The following CDH4 variants were observed in gnomAD, a reference collection of about 807,000 sequenced individuals.
The protein encoded by CDH4 is cadherin 4.
CDH4 carries 33 observed loss-of-function variants against 86.0 expected under a neutral mutation model. The ratio of observed to expected loss-of-function variants is 0.38; its 90% CI spans 0.29 to 0.51. The LOEUF is 0.51. CDH4 is among the 20% of genes least tolerant of loss of function. CDH4 has a pLI of 0.86. For missense variants in CDH4, 1,114 were observed against 1,307.4 expected, an observed-to-expected ratio of 0.85 and a Z score of 2.28; for synonymous variants, 555 against 549.4, an observed-to-expected ratio of 1.01 and a Z score of -0.14.
Position 61,544,885 on chromosome 20 carries a change from G to T in CDH4, c.170-198678G>T, listed in dbSNP as rs529528601. Among the ~76,000 whole-genome samples, 1 of 152,266 alleles carries T rather than the reference G, an allele frequency of 6.6e-6. No homozygotes were observed. Among genetic ancestry groups the T allele is most frequent in the South Asian group, 2.1e-4 (1 of 4,822 alleles). ...AGGGGGGATGCACTAGGGGGTCTTG[G>T]AACTTGGTACATACAGGTGCTAGGT... On this transcript the variant is annotated intron_variant, in intron 2 of 15. Transcript: ENST00000614565. The surrounding 1 kb of genome is among the most constrained non-coding windows in gnomAD (Gnocchi z 6.5).
chr20:61,304,008 C>T (rs1380103822), intron 2 of CDH4, among the ~76,000 whole-genome samples: 1 of 152,168 alleles, frequency 6.6e-6, no homozygotes, highest in Non-Finnish European at 1.5e-5. Context: ...TAGGGATAGG[C>T]TCCTGCCAGT....
At chr20:61,567,934 C>G (rs1423063468) in intron 2 of CDH4, among the ~76,000 whole-genome samples, 1 of 152,118 alleles carries the variant, frequency 6.6e-6, no homozygotes, top group Non-Finnish European at 1.5e-5. Context: ...GATTGCACCA[C>G]TGTACTCCAG....
intron 2 of CDH4, among the ~76,000 whole-genome samples, chr20:61,727,844 A>G (rs1005421124): frequency 6.6e-6 from 1 of 152,030 alleles, no homozygotes; most frequent in Non-Finnish European, 1.5e-5. Flanking sequence ...GACCACCCCC[A>G]GCCACAAGGC....
intron 2 of CDH4, among the ~76,000 whole-genome samples, chr20:61,523,768 C>T (rs1218351996): frequency 1.3e-5 from 2 of 152,212 alleles, no homozygotes; most frequent in Non-Finnish European, 2.9e-5. Context: ...CCTTTGCATT[C>T]GTTATTCAGT....
intron 2 of CDH4, among the ~76,000 whole-genome samples, chr20:61,658,559 A>G (rs1334496796): frequency 4.6e-5 from 7 of 152,170 alleles, no homozygotes; most frequent in African/African-American, 1.7e-4. Context: ...AGTACCTGCA[A>G]GGAGCAAAGG....
At chr20:61,874,016 C>G in intron 7 of CDH4, 116 bp downstream of exon 7, 2 of 1,060,126 alleles carry the variant, frequency 1.9e-6, no homozygotes, top group African/African-American at 1.6e-5. Context: ...CGACAGTCTC[C>G]CCAGTGGCAC....
At chr20:61,743,505 T>C (rs2297193) in intron 2 of CDH4, 58 bp from the exon 3 acceptor site, 75,840 of 1,379,192 alleles carry the variant, frequency 0.055, 3,671 homozygotes, top group East Asian at 0.22. Context: ...GTTGCTGCCA[T>C]TGTTACCGCC....
At position 61,362,585 on chromosome 20, in the gene CDH4, G is replaced by T. The variant is rs143870710; in HGVS notation, c.169+107648G>T. Among the ~76,000 whole-genome samples, 109 of 152,042 alleles carry T rather than the reference G, an allele frequency of 7.2e-4. No individual in the cohort carries two copies. The East Asian group carries it at 0.015, about 20-fold the overall frequency. Reference sequence around the variant, plus strand: ...GGACAGCGTAGTGGAGAGCAGAGACGTGGCCTAGGACAGTGTAGTGGAAGT... The same window carrying T: ...GGACAGCGTAGTGGAGAGCAGAGACTTGGCCTAGGACAGTGTAGTGGAAGT... On this transcript the variant is annotated intron_variant, in intron 2 of 15. Coordinates refer to ENST00000614565, the MANE Select transcript of CDH4 (RefSeq NM_001794.5).
chr20:61,880,197 G>A lies in CDH4; in HGVS notation c.1050+6297G>A, dbSNP rs138888884. On this transcript the variant is annotated intron_variant, in intron 7 of 15. Transcript: ENST00000614565. Reference sequence around the variant, plus strand: ...GAATGTCCCCTTTCCCTCTGAGAGCGGCGTGGCTTTCTGAAGGCATTTCTC... The same window carrying A: ...GAATGTCCCCTTTCCCTCTGAGAGCAGCGTGGCTTTCTGAAGGCATTTCTC... Among the ~76,000 whole-genome samples the A allele has an allele frequency of 2.9e-3, 448 of 152,276 alleles. 1 individual carries two copies. Among genetic ancestry groups the A allele is most frequent in the African/African-American group, 9.8e-3 (406 of 41,544 alleles).
intron 2 of CDH4, among the ~76,000 whole-genome samples, chr20:61,325,174 C>T (rs555995457): frequency 8.6e-5 from 13 of 150,346 alleles, no homozygotes; most frequent in South Asian, 4.2e-4. Flanking sequence ...AAAGAGTGGA[C>T]GGCATTTTTG....
At chr20:61,698,812 C>T (rs1411144310) in intron 2 of CDH4, among the ~76,000 whole-genome samples, 1 of 152,230 alleles carries the variant, frequency 6.6e-6, no homozygotes, top group Non-Finnish European at 1.5e-5. Flanking sequence ...AAGGAAGGAA[C>T]CCGAGCTTGG....
chr20:61,692,726 C>T (rs80306952), intron 2 of CDH4, among the ~76,000 whole-genome samples: 240 of 152,338 alleles, frequency 1.6e-3, no homozygotes, highest in Non-Finnish European at 2.6e-3. Context: ...CATATGACTC[C>T]ATTTGCGGCT....
chr20:61,480,528 G>A lies in CDH4; in HGVS notation c.169+225591G>A, dbSNP rs1199045443. On this transcript the variant is annotated intron_variant, in intron 2 of 15. Coordinates refer to ENST00000614565, the MANE Select transcript of CDH4 (RefSeq NM_001794.5). The surrounding 1 kb of genome is among the most constrained non-coding windows in gnomAD (Gnocchi z 5.2). ...GCAGAACTGGACCCTGCAGGAGCCA[G>A]GCCCCTCCCTTCCCAGTGGCAGCGA... is the stretch of plus-strand genomic sequence containing the variant. Among the ~76,000 whole-genome samples the A allele has an allele frequency of 6.6e-6, 1 of 152,252 alleles. No individual in the cohort carries two copies. The highest frequency in any genetic ancestry group is 1.9e-4 in the East Asian group (1 of 5,194).
At chr20:61,868,091 C>A (rs1983628337) in intron 6 of CDH4, among the ~76,000 whole-genome samples, 1 of 152,216 alleles carries the variant, frequency 6.6e-6, no homozygotes, top group Non-Finnish European at 1.5e-5. Flanking sequence ...GGTTAATGAG[C>A]ATAAACCGCA....
At chr20:61,733,291 G>A (rs1359854498) in intron 2 of CDH4, among the ~76,000 whole-genome samples, 1 of 152,128 alleles carries the variant, frequency 6.6e-6, no homozygotes, top group East Asian at 1.9e-4. Context: ...GTCTGCAGTT[G>A]TGGTCCACGC....
intron 2 of CDH4, among the ~76,000 whole-genome samples, chr20:61,606,626 G>A (rs2086647625): frequency 2.0e-5 from 3 of 152,248 alleles, no homozygotes; most frequent in Admixed American, 1.3e-4. Context: ...GCTGCCTCCT[G>A]GTGTGGCCTC....
At position 61,392,255 on chromosome 20, in the gene CDH4, G is replaced by A. The variant is rs182097367; in HGVS notation, c.169+137318G>A. Among the ~76,000 whole-genome samples the A allele has an allele frequency of 6.6e-6, 1 of 151,878 alleles. No individual in the cohort carries two copies. The highest frequency in any genetic ancestry group is 2.4e-5 in the African/African-American group (1 of 41,340). On this transcript the variant is annotated intron_variant, in intron 2 of 15. Transcript: ENST00000614565. The surrounding 1 kb of genome is among the most constrained non-coding windows in gnomAD (Gnocchi z 5.7). ...GACATGCTGCCTCTGGGCTGGGGAG[G>A]GACAGGAACCCGAGGCAGATCCTTC...
chr20:61,696,476 A>T (rs1306542932), intron 2 of CDH4, among the ~76,000 whole-genome samples: 1 of 152,176 alleles, frequency 6.6e-6, no homozygotes, highest in Non-Finnish European at 1.5e-5. Context: ...CCAGCTGTGT[A>T]CTGAGCACCA....
chr20:61,267,101 C>G (rs2084161702), intron 2 of CDH4, among the ~76,000 whole-genome samples: 1 of 152,192 alleles, frequency 6.6e-6, no homozygotes, highest in Admixed American at 6.5e-5. Context: ...CCCCTAGAAT[C>G]TGCAGAGAGA....
Sources: allele counts gnomAD v4.1 joint callset (sites outside exome capture counted in the v4.1 genomes callset), GRCh38; gene constraint gnomAD v4.1.1; non-coding constraint Gnocchi (gnomAD v3.1); transcripts MANE v1.5; gene names NCBI Gene and HGNC (gene_info 2026-07-23, HGNC 2026-07-21).